Variants in DLG2 observed in about 807,000 individuals in gnomAD.
DLG2 encodes disks large homolog 2.
Under a neutral mutation model 132.5 loss-of-function variants are expected in DLG2, and 45 were observed. The ratio of observed to expected loss-of-function variants is 0.34; its 90% CI spans 0.27 to 0.44. DLG2 has a LOEUF of 0.44. Ranked by LOEUF, DLG2 falls within the 20% of genes least tolerant of loss-of-function variation. DLG2 has a pLI of 1.00. For missense variants in DLG2, 1,045 were observed against 1,196.9 expected, an observed-to-expected ratio of 0.87 and a Z score of 1.87; for synonymous variants, 424 against 419.6, an observed-to-expected ratio of 1.01 and a Z score of -0.13.
chr11:85,607,588 T>G (rs545769722), intron 2 of DLG2, among the ~76,000 whole-genome samples: 1 of 152,176 alleles, frequency 6.6e-6, no homozygotes. Context: ...TGATTTCTAG[T>G]ATAAACTCCA....
intron 3 of DLG2, among the ~76,000 whole-genome samples, chr11:85,412,784 T>TCA (rs1447201007): frequency 2.7e-5 from 4 of 148,768 alleles, no homozygotes; most frequent in Non-Finnish European, 6.0e-5. Flanking sequence ...TATATATATA[T>TCA]ATCACAGTTT....
intron 17 of DLG2, chr11:83,790,462 TA>T: frequency 8.4e-7 from 1 of 1,192,570 alleles, no homozygotes; most frequent in Non-Finnish European, 1.2e-6. Flanking sequence ...AGCTCCTCTG[TA>T]AGGCTTGTCA....
chr11:84,175,976 T>G (rs2095952495), intron 8 of DLG2, among the ~76,000 whole-genome samples: 1 of 152,158 alleles, frequency 6.6e-6, no homozygotes, highest in African/African-American at 2.4e-5. Context: ...GGTTTAAAGT[T>G]GTTTATATCT....
At chr11:84,947,299 T>C (rs911111856) in intron 6 of DLG2, among the ~76,000 whole-genome samples, 5 of 152,196 alleles carry the variant, frequency 3.3e-5, no homozygotes, top group African/African-American at 1.2e-4. Context: ...AGGGTTCTAT[T>C]TGGCCATCTT....
chr11:85,191,162 G>GCGCACACACACACACA (rs34410192), intron 4 of DLG2, among the ~76,000 whole-genome samples: 10 of 139,924 alleles, frequency 7.1e-5, no homozygotes, highest in African/African-American at 2.5e-4. Context: ...GCGCACGCGC[G>GCGCACACACACACACA]CACACACACA....
intron 18 of DLG2, among the ~76,000 whole-genome samples, chr11:83,737,254 T>C (rs1016536013): frequency 4.6e-5 from 7 of 152,196 alleles, no homozygotes; most frequent in Non-Finnish European, 1.0e-4. Context: ...AACTCTTTTA[T>C]CAGATGAATT....
intron 3 of DLG2, among the ~76,000 whole-genome samples, chr11:85,400,802 G>C (rs988221434): frequency 2.0e-5 from 3 of 151,724 alleles, no homozygotes; most frequent in African/African-American, 7.3e-5. Context: ...GGAGAGGGGA[G>C]GGATAGCATT....
chr11:85,467,178 G>C (rs2092819348), intron 3 of DLG2, among the ~76,000 whole-genome samples: 1 of 152,198 alleles, frequency 6.6e-6, no homozygotes, highest in African/African-American at 2.4e-5. Flanking sequence ...AGACTTTGCT[G>C]AAGTTGCCTA....
intron 12 of DLG2, among the ~76,000 whole-genome samples, chr11:83,971,575 T>A (rs1248457311): frequency 1.3e-5 from 2 of 152,172 alleles, no homozygotes; most frequent in Non-Finnish European, 2.9e-5. Context: ...CCTTTCCATG[T>A]TCTTGCAGGA....
chr11:84,611,929 A>T (rs1440894912), intron 6 of DLG2, among the ~76,000 whole-genome samples: 1 of 152,168 alleles, frequency 6.6e-6, no homozygotes, highest in African/African-American at 2.4e-5. Context: ...AAAAAGATAC[A>T]TCATTTTTTA....
At chr11:84,978,982 C>T (rs1202310910) in intron 6 of DLG2, among the ~76,000 whole-genome samples, 1 of 152,000 alleles carries the variant, frequency 6.6e-6, no homozygotes, top group African/African-American at 2.4e-5. Flanking sequence ...AAAACAACCC[C>T]ATCAACAAGT....
intron 14 of DLG2, among the ~76,000 whole-genome samples, chr11:83,947,395 T>C (rs115393802): frequency 2.5e-4 from 38 of 152,332 alleles, no homozygotes; most frequent in African/African-American, 8.9e-4. Flanking sequence ...AAAACATCAC[T>C]GAATCAATAT....
At chr11:84,308,679 C>A (rs1331022462) in intron 7 of DLG2, among the ~76,000 whole-genome samples, 2 of 152,128 alleles carry the variant, frequency 1.3e-5, no homozygotes, top group Admixed American at 6.5e-5. Flanking sequence ...CCGAGCCCTG[C>A]CCCGCGGGGA....
chr11:83,922,755 G>T (rs1170474564), intron 15 of DLG2, among the ~76,000 whole-genome samples: 5 of 152,096 alleles, frequency 3.3e-5, no homozygotes, highest in Non-Finnish European at 7.4e-5. Context: ...TTGGATGTGA[G>T]AATGCCTTGG....
intron 8 of DLG2, among the ~76,000 whole-genome samples, chr11:84,210,637 AT>A (rs1277400060): frequency 1.3e-5 from 2 of 152,162 alleles, no homozygotes; most frequent in Non-Finnish European, 2.9e-5. Flanking sequence ...AAATTATTGT[AT>A]GTTTAAACAA....
chr11:85,489,573 T>C (rs1265127449), intron 3 of DLG2, among the ~76,000 whole-genome samples: 2 of 152,124 alleles, frequency 1.3e-5, no homozygotes, highest in African/African-American at 4.8e-5. Context: ...AACCAGAACA[T>C]TTTACTCAAC....
At chr11:84,541,107 G>A (rs572041490) in intron 6 of DLG2, among the ~76,000 whole-genome samples, 2 of 151,922 alleles carry the variant, frequency 1.3e-5, no homozygotes, top group African/African-American at 4.8e-5. Flanking sequence ...GAGTTAATGG[G>A]TGTAGCACAC....
chr11:84,514,054 A>G (rs1451715755), intron 7 of DLG2, among the ~76,000 whole-genome samples: 2 of 152,166 alleles, frequency 1.3e-5, no homozygotes, highest in Non-Finnish European at 2.9e-5. Flanking sequence ...ATTTCTCAAA[A>G]GAAGCCATGC....
intron 18 of DLG2, among the ~76,000 whole-genome samples, chr11:83,779,859 T>C (rs893079051): frequency 1.3e-5 from 2 of 152,214 alleles, no homozygotes; most frequent in African/African-American, 2.4e-5. Flanking sequence ...AAAGAAAAGA[T>C]GTAATGTTAG....
Sources: allele counts gnomAD v4.1 joint callset (sites outside exome capture counted in the v4.1 genomes callset), GRCh38; gene constraint gnomAD v4.1.1; transcripts MANE v1.5; gene names NCBI Gene and HGNC (gene_info 2026-07-23, HGNC 2026-07-21).